ASF1B: variants seen among roughly 807,000 people sequenced by gnomAD.
ASF1B encodes histone chaperone ASF1B.
ASF1B carries 10 observed loss-of-function variants against 16.6 expected under a neutral mutation model. That is an observed-to-expected ratio of 0.60 (90% CI 0.37 to 1.02). The LOEUF (loss-of-function observed/expected upper bound fraction) is 1.02, where lower values mean the gene tolerates loss of function less well. Among genes scored for constraint, ASF1B ranks in the 50% least tolerant of loss-of-function variants. The pLI is 0.01. For missense variants in ASF1B, 240 were observed against 266.0 expected (o/e 0.90, Z 0.68); for synonymous variants, 101 against 106.2 (o/e 0.95, Z 0.30).
At chr19:14,127,511 C>A (rs1032874877) in intron 1 of ASF1B, among the ~76,000 whole-genome samples, 1 of 152,168 alleles carries the variant, frequency 6.6e-6, no homozygotes, top group Non-Finnish European at 1.5e-5. Flanking sequence ...AGCCAGCCTG[C>A]AGGAGGGGGA....
intron 2 of ASF1B, among the ~76,000 whole-genome samples, 170 bp downstream of exon 2, chr19:14,125,952 G>A (rs1967311131): frequency 6.6e-6 from 1 of 152,150 alleles, no homozygotes; most frequent in Admixed American, 6.5e-5. Flanking sequence ...CAGACTCCCG[G>A]GCTCAAGCAA....
chr19:14,122,662 G>T (rs1298484656), intron 2 of ASF1B, among the ~76,000 whole-genome samples: 1 of 152,134 alleles, frequency 6.6e-6, no homozygotes, highest in Non-Finnish European at 1.5e-5. Flanking sequence ...GCCCAGCCAG[G>T]AGTTGTCAAC....
At chr19:14,130,341 A>T (rs8112885) in intron 1 of ASF1B, among the ~76,000 whole-genome samples, 1 of 151,760 alleles carries the variant, frequency 6.6e-6, no homozygotes, top group African/African-American at 2.4e-5. Context: ...GATTACAGGC[A>T]TGAGCCACTA....
In ASF1B at chr19:14,120,549, G is replaced by A. The variant is rs748661613; in HGVS notation, c.519C>T (p.Gly173=). ...TGATAGGAGTGCAGTTGAGTGGGAG[G>A]CCGCAGCCCAGGGAGGGGTCCTGGG... The part of the protein sequence containing the change: ...IETQDPSLGC[G]LPLNCTPIKG... Residue 173 remains glycine, a synonymous_variant, in exon 4 of 4, where the codon GGC becomes GGT. Coordinates refer to ENST00000263382, the MANE Select transcript of ASF1B (RefSeq NM_018154.3). The A allele has an allele frequency of 6.2e-7, 1 of 1,613,536 alleles. No individual in the cohort carries two copies. Among genetic ancestry groups the A allele is most frequent in the Admixed American group, 1.7e-5 (1 of 59,902 alleles).
chr19:14,129,678 CAAAAAAAAA>C (rs549023648), intron 1 of ASF1B, among the ~76,000 whole-genome samples: 20 of 34,626 alleles, frequency 5.8e-4, no homozygotes, highest in South Asian at 2.4e-3. Flanking sequence ...CAGCCTCCGT[CAAAAAAAAA>C]AAAAAAAAAA....
chr19:14,128,426 A>G (rs1438981099), intron 1 of ASF1B, among the ~76,000 whole-genome samples: 1 of 152,102 alleles, frequency 6.6e-6, no homozygotes, highest in Non-Finnish European at 1.5e-5. Context: ...GTGACCATTG[A>G]ACTCACAGGT....
intron 1 of ASF1B, among the ~76,000 whole-genome samples, chr19:14,131,057 T>C (rs1187537844): frequency 6.6e-6 from 1 of 151,624 alleles, no homozygotes; most frequent in Non-Finnish European, 1.5e-5. Context: ...TTTGTATTTT[T>C]AGTAGAGACA....
At chr19:14,129,387 C>G (rs1967364138) in intron 1 of ASF1B, among the ~76,000 whole-genome samples, 1 of 152,026 alleles carries the variant, frequency 6.6e-6, no homozygotes, top group African/African-American at 2.4e-5. Context: ...TCAAGAGTTA[C>G]AGAAGCTGGT....
chr19:14,124,829 G>A (rs1967294423), intron 2 of ASF1B, among the ~76,000 whole-genome samples: 2 of 152,192 alleles, frequency 1.3e-5, no homozygotes, highest in East Asian at 1.9e-4. Flanking sequence ...GCACCCAACG[G>A]TAGTGCTGAA....
At chr19:14,121,463 G>T in intron 3 of ASF1B, 69 bp downstream of exon 3, 1 of 1,518,554 alleles carries the variant, frequency 6.6e-7, no homozygotes, top group Non-Finnish European at 9.0e-7. Context: ...CTCTCAATTT[G>T]AATGGCTGAA....
chr19:14,122,673 T>C (rs906499544), intron 2 of ASF1B, among the ~76,000 whole-genome samples: 1 of 152,128 alleles, frequency 6.6e-6, no homozygotes, highest in African/African-American at 2.4e-5. Context: ...AGTTGTCAAC[T>C]GATGGAAACA....
chr19:14,130,515 A>G (rs1274899313), intron 1 of ASF1B, among the ~76,000 whole-genome samples: 1 of 151,954 alleles, frequency 6.6e-6, no homozygotes, highest in Non-Finnish European at 1.5e-5. Context: ...TAAAAAAAAA[A>G]AAAAAAATCT....
rs542008809 is a variant in ASF1B, at chr19:14,134,814, G to A, written c.109+1534C>T. ...AGGCTGTGACCTCCAAGCTCCAGCC[G>A]ACTGTTTGAAGCTGGAGCCCGTCAC... On this transcript the variant is annotated intron_variant, in intron 1 of 3. Transcript: ENST00000263382. Among the ~76,000 whole-genome samples, 12 of 152,064 alleles carry A rather than the reference G, an allele frequency of 7.9e-5. 1 individual carries two copies. Among genetic ancestry groups the A allele is most frequent in the East Asian group, 1.9e-4 (1 of 5,166 alleles).
chr19:14,131,493 T>C (rs1460586074), intron 1 of ASF1B, among the ~76,000 whole-genome samples: 1 of 150,806 alleles, frequency 6.6e-6, no homozygotes, highest in Non-Finnish European at 1.5e-5. Flanking sequence ...TTCTTTTTTT[T>C]TTTTTTTGAG....
At chr19:14,122,115 G>A (rs1967248588) in intron 2 of ASF1B, among the ~76,000 whole-genome samples, 1 of 152,044 alleles carries the variant, frequency 6.6e-6, no homozygotes, top group Non-Finnish European at 1.5e-5. Flanking sequence ...ATTTTTAGTA[G>A]AGATGGGGTT....
intron 1 of ASF1B, among the ~76,000 whole-genome samples, chr19:14,134,388 C>G (rs1051255355): frequency 6.6e-6 from 1 of 152,018 alleles, no homozygotes; most frequent in Non-Finnish European, 1.5e-5. Flanking sequence ...CTGGCCTACC[C>G]AAAGCACATC....
chr19:14,133,855 G>A (rs1223282632), intron 1 of ASF1B, among the ~76,000 whole-genome samples: 3 of 125,436 alleles, frequency 2.4e-5, no homozygotes, highest in African/African-American at 6.0e-5. Flanking sequence ...CCAGGCTGGA[G>A]TGCAGTGGCG....
intron 3 of ASF1B, chr19:14,121,175 C>T: frequency 2.7e-6 from 1 of 376,396 alleles, no homozygotes; most frequent in Non-Finnish European, 4.7e-6. Context: ...GGCTGGAATG[C>T]AGTGGCACGA....
intron 1 of ASF1B, among the ~76,000 whole-genome samples, chr19:14,126,658 GA>G (rs1417959471): frequency 6.6e-6 from 1 of 152,144 alleles, no homozygotes; most frequent in Non-Finnish European, 1.5e-5. Flanking sequence ...TTTTAGTAGA[GA>G]CAGGGTTTCA....
Sources: gnomAD v4.1 joint callset for allele counts (sites outside exome capture counted in the v4.1 genomes callset) on GRCh38, gnomAD v4.1.1 for gene constraint, MANE v1.5 for transcripts, NCBI Gene and HGNC (gene_info 2026-07-23, HGNC 2026-07-21) for gene names.